CTNNA3: variants seen among roughly 807,000 people sequenced by gnomAD.
CTNNA3 encodes catenin alpha 3, also known as catenin alpha-3.
A neutral mutation model predicts 95.7 loss-of-function variants in CTNNA3; 76 were observed. The ratio of observed to expected loss-of-function variants is 0.79; its 90% CI spans 0.66 to 0.96. CTNNA3 has a LOEUF of 0.96. Ranked by LOEUF, CTNNA3 falls within the 40% of genes least tolerant of loss-of-function variation. The pLI is 0.00. For missense variants in CTNNA3, 1,191 were observed against 1,089.8 expected (o/e 1.09, Z -1.31); for synonymous variants, 431 against 374.4 (o/e 1.15, Z -1.74).
intron 11 of CTNNA3, among the ~76,000 whole-genome samples, chr10:66,386,178 T>C (rs574878677): frequency 6.6e-6 from 1 of 152,204 alleles, no homozygotes; most frequent in African/African-American, 2.4e-5. Context: ...TATGAGATGA[T>C]TGTACTTTTA....
chr10:65,943,356 G>A (rs1453676965), intron 17 of CTNNA3, among the ~76,000 whole-genome samples: 3 of 152,156 alleles, frequency 2.0e-5, no homozygotes, highest in African/African-American at 7.2e-5. Context: ...AATATGCATT[G>A]TGATCCAGAT....
At chr10:67,296,007 T>G (rs1014178108) in intron 5 of CTNNA3, among the ~76,000 whole-genome samples, 4 of 152,190 alleles carry the variant, frequency 2.6e-5, no homozygotes, top group African/African-American at 9.7e-5. Flanking sequence ...TAGTAGACAC[T>G]GTAGATATCA....
intron 7 of CTNNA3, among the ~76,000 whole-genome samples, chr10:66,823,700 G>A (rs1428984297): frequency 2.0e-5 from 3 of 152,224 alleles, no homozygotes; most frequent in Non-Finnish European, 4.4e-5. Flanking sequence ...TTTTGTGCTA[G>A]ACACTGCGCT....
chr10:66,724,150 C>T (rs193013946), intron 9 of CTNNA3, among the ~76,000 whole-genome samples: 118 of 152,138 alleles, frequency 7.8e-4, no homozygotes, highest in Middle Eastern at 3.4e-3. Flanking sequence ...GGAGAAGAAA[C>T]GATGAAGTAC....
chr10:67,699,936 C>T (rs1027226628), upstream of CTNNA3, among the ~76,000 whole-genome samples: 6 of 152,206 alleles, frequency 3.9e-5, no homozygotes, highest in East Asian at 5.8e-4. Context: ...TGCGCTTTTC[C>T]GATGGGCTTA....
intron 7 of CTNNA3, among the ~76,000 whole-genome samples, chr10:67,027,519 C>G (rs1292065032): frequency 6.6e-6 from 1 of 150,686 alleles, no homozygotes; most frequent in Non-Finnish European, 1.5e-5. Context: ...ACTGCAACCT[C>G]TGCTTCCTGG....
chr10:65,990,067 TGTGTGTA>T (rs1378800293), intron 15 of CTNNA3, among the ~76,000 whole-genome samples: 1,253 of 2,756 alleles, frequency 0.45, 22 homozygotes, highest in Middle Eastern at 0.5. Flanking sequence ...TGTTTCATTT[TGTGTGTA>T]GTGTGTGTGT....
At chr10:67,194,329 G>A (rs571009352) in intron 6 of CTNNA3, among the ~76,000 whole-genome samples, 25 of 151,976 alleles carry the variant, frequency 1.6e-4, no homozygotes, top group African/African-American at 5.8e-4. Flanking sequence ...TCCTTTAGTA[G>A]GTAAATGGAT....
Position 65,913,203 on chromosome 10 carries a change from A to G in CTNNA3, c.*7127T>C, listed in dbSNP as rs1160354270. On this transcript the variant is annotated 3_prime_UTR_variant, in exon 18 of 18. Transcript: ENST00000433211. ...GTCAAAGTTGTTGTTGTAATACGAC[A>G]TAAAGTAAATGATTTTTTTCCCCCA... is the stretch of plus-strand genomic sequence containing the variant. The G allele has an allele frequency of 6.6e-6, 1 of 152,176 alleles. No individual in the cohort carries two copies. Among genetic ancestry groups the G allele is most frequent in the Non-Finnish European group, 1.5e-5 (1 of 68,018 alleles). The allele number at this position is 152,176 out of a possible 1,614,324, so 9.4% of individuals were successfully genotyped here.
At chr10:66,670,227 T>C (rs930751803) in intron 9 of CTNNA3, among the ~76,000 whole-genome samples, 5 of 152,152 alleles carry the variant, frequency 3.3e-5, no homozygotes, top group Non-Finnish European at 7.4e-5. Flanking sequence ...CATAAATGTA[T>C]TTGTTCTCAG....
At chr10:67,138,940 G>A (rs944947939) in intron 7 of CTNNA3, among the ~76,000 whole-genome samples, 1 of 151,962 alleles carries the variant, frequency 6.6e-6, no homozygotes, top group Non-Finnish European at 1.5e-5. Flanking sequence ...AAATGAGCAC[G>A]GATCTTAGAA....
chr10:66,123,395 G>A (rs565971441), intron 13 of CTNNA3, among the ~76,000 whole-genome samples: 15 of 152,240 alleles, frequency 9.9e-5, no homozygotes, highest in African/African-American at 2.4e-4. Flanking sequence ...GGGCAGCTCC[G>A]TCCCTGTGGC....
chr10:67,354,326 T>C (rs902062480), intron 5 of CTNNA3, among the ~76,000 whole-genome samples: 3 of 151,944 alleles, frequency 2.0e-5, no homozygotes, highest in African/African-American at 7.2e-5. Flanking sequence ...TATTGCTGAG[T>C]TTATTATTTT....
chr10:66,995,616 T>C (rs1477835248), intron 7 of CTNNA3, among the ~76,000 whole-genome samples: 1 of 152,234 alleles, frequency 6.6e-6, no homozygotes, highest in Non-Finnish European at 1.5e-5. Context: ...TCTACATCTC[T>C]ATATTTTTTT....
chr10:66,808,620 A>G (rs1258643737), intron 7 of CTNNA3, among the ~76,000 whole-genome samples: 4 of 152,194 alleles, frequency 2.6e-5, no homozygotes, highest in African/African-American at 9.6e-5. Flanking sequence ...TGAACAATTC[A>G]TAAGTTTTAA....
intron 13 of CTNNA3, among the ~76,000 whole-genome samples, chr10:66,149,300 T>A (rs995363192): frequency 9.3e-5 from 14 of 149,904 alleles, no homozygotes; most frequent in South Asian, 2.1e-4. Context: ...TATATTTAAA[T>A]ATAAGGAATG....
At chr10:66,465,502 AG>A (rs772825697) in intron 11 of CTNNA3, among the ~76,000 whole-genome samples, 43 of 152,168 alleles carry the variant, frequency 2.8e-4, no homozygotes, top group Non-Finnish European at 5.6e-4. Flanking sequence ...AATCTGGTTA[AG>A]ACCTGCACTG....
chr10:66,821,398 C>T (rs775893826), intron 7 of CTNNA3, among the ~76,000 whole-genome samples: 8 of 151,780 alleles, frequency 5.3e-5, no homozygotes, highest in African/African-American at 1.5e-4. Context: ...GTTTGGACAA[C>T]GGAGATCAAT....
intron 5 of CTNNA3, among the ~76,000 whole-genome samples, chr10:67,349,812 C>A (rs558641610): frequency 1.3e-3 from 199 of 152,264 alleles, no homozygotes; most frequent in Non-Finnish European, 2.3e-3. Flanking sequence ...TTTCCTCCAA[C>A]CTCAGCCTAG....
Sources: gnomAD v4.1 joint callset for allele counts (sites outside exome capture counted in the v4.1 genomes callset) on GRCh38, gnomAD v4.1.1 for gene constraint, MANE v1.5 for transcripts, NCBI Gene and HGNC (gene_info 2026-07-23, HGNC 2026-07-21) for gene names.